The following VAV2 variants were observed in gnomAD, a reference collection of about 807,000 sequenced individuals.
VAV2 encodes vav guanine nucleotide exchange factor 2, also known as guanine nucleotide exchange factor VAV2.
In VAV2, 67 loss-of-function variants were observed where a neutral mutation model predicts 132.5. The observed-to-expected ratio is 0.51, with a 90% CI of 0.42 to 0.62. The LOEUF (loss-of-function observed/expected upper bound fraction) is 0.62, where lower values mean the gene tolerates loss of function less well. Among genes scored for constraint, VAV2 ranks in the 20% least tolerant of loss-of-function variants. VAV2 has a pLI of 0.00. For synonymous variants in VAV2, 492 were observed against 443.5 expected, an observed-to-expected ratio of 1.11 and a Z score of -1.37; for missense variants, 938 against 1,153.6, an observed-to-expected ratio of 0.81 and a Z score of 2.71.
intron 2 of VAV2, among the ~76,000 whole-genome samples, chr9:133,866,466 C>T (rs1283144684): frequency 2.6e-5 from 4 of 152,090 alleles, no homozygotes; most frequent in East Asian, 1.9e-4. Flanking sequence ...GACACGCCTA[C>T]TCAACATCAG....
intron 4 of VAV2, among the ~76,000 whole-genome samples, chr9:133,831,620 C>T (rs1173202457): frequency 6.6e-6 from 1 of 152,154 alleles, no homozygotes; most frequent in East Asian, 1.9e-4. Flanking sequence ...ACGGAGTGGG[C>T]ATTTCATGTC....
At chr9:133,941,041 T>C (rs1050291402) in intron 1 of VAV2, among the ~76,000 whole-genome samples, 3 of 151,786 alleles carry the variant, frequency 2.0e-5, no homozygotes, top group African/African-American at 4.8e-5. Flanking sequence ...CTTTCTGGAA[T>C]GACAGGAACG....
In VAV2 at chr9:133,912,841, G is replaced by T. The variant is rs568282756; in HGVS notation, c.321+26262C>A. 6.6e-6 allele frequency among the ~76,000 whole-genome samples: 1 copy of T among 152,166 alleles called. No individual in the cohort carries two copies. The highest frequency in any genetic ancestry group is 2.4e-5 in the African/African-American group (1 of 41,428). On this transcript the variant is annotated intron_variant, in intron 2 of 29. Transcript: ENST00000371850. This position sits in a 1 kb window ranked among gnomAD's most constrained non-coding sequence, Gnocchi z 4.3. ...CCCTCTAAAATCAGAGTCGTCCTGT[G>T]AGCCAGTGACCACTCGTCCCAAACA... is the stretch of plus-strand genomic sequence containing the variant.
chr9:133,966,945 G>A (rs1441515718), intron 1 of VAV2, among the ~76,000 whole-genome samples: 1 of 146,708 alleles, frequency 6.8e-6, no homozygotes, highest in African/African-American at 2.5e-5. Context: ...TGAGGCAGGA[G>A]AATTGCTTGA....
In VAV2 at chr9:133,851,887, GCATGGATGGATGGATGGATGGGTGGA is replaced by G. The variant is rs1837192376; in HGVS notation, c.380+9461_380+9486del. ...TAGGTGGGTGAATAAATGGATGGAT[GCATGGATGGATGGATGGATGGGTGGA>G]TGGATGGATGGATGGATGGATGGAT... On this transcript the variant is annotated intron_variant, in intron 3 of 29. Transcript: ENST00000371850. Among the ~76,000 whole-genome samples, 7 of 149,156 alleles carry G rather than the reference GCATGGATGGATGGATGGATGGGTGGA, an allele frequency of 4.7e-5. No individual in the cohort carries two copies. In the South Asian group the frequency reaches 1.5e-3, roughly 32 times the overall value.
chr9:133,799,042 C>T (rs929089463), intron 9 of VAV2, among the ~76,000 whole-genome samples: 10 of 152,208 alleles, frequency 6.6e-5, no homozygotes, highest in East Asian at 1.9e-4. Flanking sequence ...GCCTGGGGCT[C>T]GGGGCGGGCA....
rs1241432780 is a variant in VAV2, at chr9:133,824,185, G to A, written c.449+10087C>T. On this transcript the variant is annotated intron_variant, in intron 4 of 29. Transcript: ENST00000371850. This position sits in a 1 kb window ranked among gnomAD's most constrained non-coding sequence, Gnocchi z 5.2. ...TCCACAGCCAGCCCCACAGGGAAGTGCTGATGGCTCTGTTAACAGGGAAGG... is the reference window on the plus strand; with the variant it reads ...TCCACAGCCAGCCCCACAGGGAAGTACTGATGGCTCTGTTAACAGGGAAGG... 6.6e-6 allele frequency among the ~76,000 whole-genome samples: 1 copy of A among 152,142 alleles called. No individual in the cohort carries two copies. The highest frequency in any genetic ancestry group is 1.5e-5 in the Non-Finnish European group (1 of 68,022).
At chr9:133,811,783 T>G (rs1358188035) in intron 5 of VAV2, among the ~76,000 whole-genome samples, 1 of 152,212 alleles carries the variant, frequency 6.6e-6, no homozygotes, top group Non-Finnish European at 1.5e-5. Context: ...CTGAGGGGCC[T>G]GCAAGCCCTT....
At position 133,912,228 on chromosome 9, in the gene VAV2, T is replaced by G. The variant is rs1839909850; in HGVS notation, c.321+26875A>C. ...TGGGAGAAGGGCTGACAACCAGGAG[T>G]GTTTTAGTACAAAACAGACAAACCA... On this transcript the variant is annotated intron_variant, in intron 2 of 29. Coordinates refer to ENST00000371850, the MANE Select transcript of VAV2 (RefSeq NM_001134398.2). The surrounding 1 kb of genome is among the most constrained non-coding windows in gnomAD (Gnocchi z 4.3). 1.3e-5 allele frequency among the ~76,000 whole-genome samples: 2 copies of G among 152,080 alleles called. No individual in the cohort carries two copies. The highest frequency in any genetic ancestry group is 4.2e-4 in the South Asian group (2 of 4,812).
In VAV2 at chr9:133,794,838, G is replaced by T. The variant is rs1022975548; in HGVS notation, c.1101+830C>A. Among the ~76,000 whole-genome samples the T allele has an allele frequency of 6.6e-5, 10 of 152,212 alleles. No individual in the cohort carries two copies. Among genetic ancestry groups the T allele is most frequent in the Admixed American group, 5.2e-4 (8 of 15,290 alleles). Reference sequence around the variant, plus strand: ...GCTGGGAAGGAGATGGCACGAACAAGTGTGTCCAGGAGGAAGAGTGCCACC... The same window carrying T: ...GCTGGGAAGGAGATGGCACGAACAATTGTGTCCAGGAGGAAGAGTGCCACC... On this transcript the variant is annotated intron_variant, in intron 12 of 29. Transcript: ENST00000371850. This position sits in a 1 kb window ranked among gnomAD's most constrained non-coding sequence, Gnocchi z 4.6.
At chr9:133,818,135 T>C (rs891751995) in intron 4 of VAV2, among the ~76,000 whole-genome samples, 17 of 152,036 alleles carry the variant, frequency 1.1e-4, no homozygotes, top group East Asian at 1.9e-4. Context: ...GGGGCCGAGG[T>C]GGGCAGATCA....
chr9:133,808,744 T>G (rs1019521169), intron 7 of VAV2, among the ~76,000 whole-genome samples: 1 of 152,196 alleles, frequency 6.6e-6, no homozygotes, highest in Non-Finnish European at 1.5e-5. Context: ...GCTAGCTCAG[T>G]GCCTGCCTTA....
intron 1 of VAV2, among the ~76,000 whole-genome samples, chr9:133,977,246 G>A (rs999342147): frequency 6.6e-6 from 1 of 152,240 alleles, no homozygotes; most frequent in African/African-American, 2.4e-5. Context: ...CATTTGAGGA[G>A]CAGCCCAGCA....
Position 133,862,989 on chromosome 9 carries a change from G to A in VAV2, c.322-1557C>T, listed in dbSNP as rs546409445. 1.9e-4 allele frequency among the ~76,000 whole-genome samples: 29 copies of A among 152,290 alleles called. No individual in the cohort carries two copies. The South Asian group carries it at 6.0e-3, about 32-fold the overall frequency. ...GCTCAGGGAAGCTGGGGTCATGGAA[G>A]GACAGGGTCCTTCTGTGCTTCCTCA... On this transcript the variant is annotated intron_variant, in intron 2 of 29. Transcript: ENST00000371850.
rs1195362120 is a variant in VAV2 at position 133,871,083 on chromosome 9, C to T, written c.322-9651G>A. On this transcript the variant is annotated intron_variant, in intron 2 of 29. Transcript: ENST00000371850. ...GGGTGGGTGAATGGGTGGATAAATG[C>T]GTGGGTGGGTGGATGGATGGATGGA... Among the ~76,000 whole-genome samples the T allele has an allele frequency of 1.5e-4, 11 of 71,062 alleles. No individual in the cohort carries two copies. In the South Asian group the frequency reaches 1.6e-3, roughly 11 times the overall value. The allele number at this position is 71,062 out of a possible 152,430, so 46.6% of individuals were successfully genotyped here. A position where few individuals can be genotyped will look rare whatever the true frequency, so the allele number is the denominator to read the frequency against.
At chr9:133,880,841 G>A (rs1402744940) in intron 2 of VAV2, among the ~76,000 whole-genome samples, 2 of 152,248 alleles carry the variant, frequency 1.3e-5, no homozygotes, top group Non-Finnish European at 2.9e-5. Context: ...TGCCCCTTTG[G>A]CAGGTCAGGT....
rs1838656686 is a variant in VAV2 at position 133,885,259 on chromosome 9, G to T, written c.322-23827C>A. On this transcript the variant is annotated intron_variant, in intron 2 of 29. Coordinates refer to ENST00000371850, the MANE Select transcript of VAV2 (RefSeq NM_001134398.2). This position sits in a 1 kb window ranked among gnomAD's most constrained non-coding sequence, Gnocchi z 5.0. ...GAAGGGCATGTATGCAGCCCCCGCG[G>T]CTGTCTACTTGGTCCATGTCCAGCC... Among the ~76,000 whole-genome samples, 1 of 152,240 alleles carries T rather than the reference G, an allele frequency of 6.6e-6. No individual in the cohort carries two copies. Among genetic ancestry groups the T allele is most frequent in the Admixed American group, 6.5e-5 (1 of 15,286 alleles).
chr9:133,957,660 C>A (rs1414438412), intron 1 of VAV2, among the ~76,000 whole-genome samples: 1 of 152,124 alleles, frequency 6.6e-6, no homozygotes, highest in African/African-American at 2.4e-5. Context: ...CCTGCACCCG[C>A]TGTCACCGTC....
chr9:133,913,887 GAC>G (rs1410303368), intron 2 of VAV2, among the ~76,000 whole-genome samples: 14 of 152,246 alleles, frequency 9.2e-5, no homozygotes, highest in African/African-American at 3.1e-4. Context: ...GCCCGCAGCA[GAC>G]AGAGGCCCAG....
Sources: gnomAD v4.1 joint callset for allele counts (sites outside exome capture counted in the v4.1 genomes callset) on GRCh38, gnomAD v4.1.1 for gene constraint, Gnocchi (gnomAD v3.1) non-coding constraint, MANE v1.5 for transcripts, NCBI Gene and HGNC (gene_info 2026-07-23, HGNC 2026-07-21) for gene names.